Variants in CAMSAP3 observed in about 807,000 individuals in gnomAD.
CAMSAP3 encodes the protein calmodulin-regulated spectrin-associated protein 3.
In CAMSAP3, 34 loss-of-function variants were observed where a neutral mutation model predicts 112.5. That is an observed-to-expected ratio of 0.30 (90% CI 0.23 to 0.40). The LOEUF (loss-of-function observed/expected upper bound fraction) is 0.40. Among genes scored for constraint, CAMSAP3 ranks in the 10% least tolerant of loss-of-function variants. The pLI is 1.00. For synonymous variants in CAMSAP3, 868 were observed against 799.8 expected, an observed-to-expected ratio of 1.09 and a Z score of -1.44; for missense variants, 1,602 against 1,770.3, an observed-to-expected ratio of 0.90 and a Z score of 1.71.
In CAMSAP3 at chr19:7,609,088, G is replaced by A. The variant is rs930944230; in HGVS notation, c.760+824G>A. On this transcript the variant is annotated intron_variant, in intron 5 of 16. Transcript: ENST00000160298. ...TGTAATCCCAGCAGTTTGGGAGGCC[G>A]AGGCGGGTGGATCACGAGGTCACGA... 7.2e-5 allele frequency among the ~76,000 whole-genome samples: 11 copies of A among 151,994 alleles called. No homozygotes were observed. In the East Asian group the frequency reaches 7.7e-4, roughly 11 times the overall value.
At position 7,612,932 on chromosome 19, in the gene CAMSAP3, C is replaced by T. The variant is rs1462333645; in HGVS notation, c.2439C>T (p.Phe813=). 1 of 1,609,562 alleles carries T rather than the reference C, an allele frequency of 6.2e-7. No homozygotes were observed. The highest frequency in any genetic ancestry group is 1.7e-5 in the Admixed American group (1 of 59,928). ...DVDSLPHLRK[F]SPSQVPVQTR... Reference sequence around the variant, plus strand: ...ACAGCCTCCCCCACCTGCGCAAGTTCTCGCCGAGCCAGGTGCCCGTGCAGA... The same window carrying T: ...ACAGCCTCCCCCACCTGCGCAAGTTTTCGCCGAGCCAGGTGCCCGTGCAGA... The change falls in exon 11 of 17, where the codon TTC becomes TTT. Residue 813 remains phenylalanine, a synonymous_variant. Coordinates refer to ENST00000160298, the MANE Select transcript of CAMSAP3 (RefSeq NM_020902.2).
chr19:7,607,873 T>C lies in CAMSAP3; in HGVS notation c.622-253T>C, dbSNP rs777647848. ...TCGGGGAGCAAACCCCCCATGGTAA[T>C]GTATCCCCCGCCCCGGGGTCCCAGG... On this transcript the variant is annotated intron_variant, in intron 4 of 16. Coordinates refer to ENST00000160298, the MANE Select transcript of CAMSAP3 (RefSeq NM_020902.2). This position sits in a 1 kb window ranked among gnomAD's most constrained non-coding sequence, Gnocchi z 4.9. 5 of 1,164,198 alleles carry C rather than the reference T, an allele frequency of 4.3e-6. No homozygotes were observed. Among genetic ancestry groups the C allele is most frequent in the Non-Finnish European group, 6.1e-6 (5 of 813,590 alleles). 72.1% of individuals were successfully genotyped at this position (1,164,198 alleles called of 1,614,324 possible).
intron 1 of CAMSAP3, among the ~76,000 whole-genome samples, chr19:7,599,914 T>C (rs1338244976): frequency 8.1e-5 from 1 of 12,382 alleles, no homozygotes; most frequent in Admixed American, 1.4e-3. Flanking sequence ...CATCCACCCA[T>C]CCATCCATCC....
rs747569 is a variant in CAMSAP3 at position 7,611,031 on chromosome 19, C to T, written c.1050-64C>T. 3 of 1,599,036 alleles carry T rather than the reference C, an allele frequency of 1.9e-6. No individual in the cohort carries two copies. In the African/African-American group the frequency reaches 4.0e-5, roughly 21 times the overall value. ...ACGCAGCTGGGTGATGCTGTTGTCT[C>T]CCCCCGGGGAGAGGCGGAGGAGGAG... On this transcript the variant is annotated intron_variant, in intron 8 of 16. Transcript: ENST00000160298. This position sits in a 1 kb window ranked among gnomAD's most constrained non-coding sequence, Gnocchi z 6.9.
rs1390070064 is a variant in CAMSAP3, at chr19:7,618,073, C to T, written c.*16C>T. 6.2e-7 allele frequency: 1 copy of T among 1,604,404 alleles called. No homozygotes were observed. Among genetic ancestry groups the T allele is most frequent in the Non-Finnish European group, 8.5e-7 (1 of 1,176,132 alleles). On this transcript the variant is annotated 3_prime_UTR_variant, in exon 17 of 17. Transcript: ENST00000160298. Reference sequence around the variant, plus strand: ...CCCCAAATAGCCCCACCCGGGCGGTCCACGGGCCGGGCCCTGTGTGCTGCG... The same window carrying T: ...CCCCAAATAGCCCCACCCGGGCGGTTCACGGGCCGGGCCCTGTGTGCTGCG...
intron 14 of CAMSAP3, 21 bp downstream of exon 14, chr19:7,616,643 C>A: frequency 6.4e-7 from 1 of 1,574,378 alleles, no homozygotes; most frequent in Non-Finnish European, 8.7e-7. Context: ...CCCGCACAGG[C>A]GGGGTTCGTA....
chr19:7,605,195 A>G (rs2030147266), intron 1 of CAMSAP3, 31 bp from the exon 2 acceptor site: 3 of 1,237,176 alleles, frequency 2.4e-6, no homozygotes, highest in South Asian at 3.2e-5. Flanking sequence ...GGTGACCCTG[A>G]CCCCCGTGTT....
intron 1 of CAMSAP3, among the ~76,000 whole-genome samples, chr19:7,601,345 A>G (rs916912236): frequency 1.3e-5 from 2 of 151,540 alleles, no homozygotes; most frequent in Non-Finnish European, 2.9e-5. Context: ...TTGAGACAGC[A>G]TCTTGCTCTG....
intron 13 of CAMSAP3, among the ~76,000 whole-genome samples, chr19:7,616,131 G>A (rs1490625963): frequency 6.6e-6 from 1 of 151,036 alleles, no homozygotes; most frequent in African/African-American, 2.4e-5. Flanking sequence ...AGGTTGCGGT[G>A]AGCCAAGATT....
At chr19:7,606,915 C>A in intron 4 of CAMSAP3, 1 of 1,252,578 alleles carries the variant, frequency 8.0e-7, no homozygotes, top group Non-Finnish European at 1.2e-6. Context: ...CATACCTCCC[C>A]AAGCTGTGAG....
intron 1 of CAMSAP3, among the ~76,000 whole-genome samples, chr19:7,597,723 G>T (rs1448115208): frequency 6.6e-6 from 1 of 152,208 alleles, no homozygotes; most frequent in African/African-American, 2.4e-5. Context: ...TGTGATTGGC[G>T]GTGGTATATT....
rs751924828 is a variant in CAMSAP3, at chr19:7,616,640, A to G, written c.3212+18A>G. On this transcript the variant is annotated intron_variant, in intron 14 of 16. Coordinates refer to ENST00000160298, the MANE Select transcript of CAMSAP3 (RefSeq NM_020902.2). Reference sequence around the variant, plus strand: ...ACGTCTCGGTGAGTTTAGCCCGCACAGGCGGGGTTCGTATGCCGGGTGGCT... The same window carrying G: ...ACGTCTCGGTGAGTTTAGCCCGCACGGGCGGGGTTCGTATGCCGGGTGGCT... The G allele has an allele frequency of 4.4e-6, 7 of 1,582,696 alleles. No homozygotes were observed. The African/African-American group carries it at 8.1e-5, about 18-fold the overall frequency.
At chr19:7,616,381 T>TC (rs2030789347) in intron 13 of CAMSAP3, 142 bp from the exon 14 acceptor site, 5 of 626,386 alleles carry the variant, frequency 8.0e-6, no homozygotes, top group South Asian at 6.9e-5. Context: ...CATAGAGGGG[T>TC]CCCCCCATAG....
chr19:7,605,737 C>T (rs1029778748), intron 2 of CAMSAP3, among the ~76,000 whole-genome samples: 4 of 151,454 alleles, frequency 2.6e-5, no homozygotes, highest in Admixed American at 6.6e-5. Flanking sequence ...AAGCGCTATC[C>T]ATTAAGCCTA....
chr19:7,610,327 A>G lies in CAMSAP3; in HGVS notation c.761-149A>G. 1 of 678,186 alleles carries G rather than the reference A, an allele frequency of 1.5e-6. No individual in the cohort carries two copies. The allele number at this position is 678,186 out of a possible 1,614,324, so 42.0% of individuals were successfully genotyped here. A position where few individuals can be genotyped will look rare whatever the true frequency, so the allele number is the denominator to read the frequency against. ...AGCGAGACTCCATCTCAAAAAAAAA[A>G]AAAAAAGAATTCACCTCTCGAAGGG... On this transcript the variant is annotated intron_variant, in intron 5 of 16. Coordinates refer to ENST00000160298, the MANE Select transcript of CAMSAP3 (RefSeq NM_020902.2). This position sits in a 1 kb window ranked among gnomAD's most constrained non-coding sequence, Gnocchi z 4.9.
rs771643339 is a variant in CAMSAP3 at position 7,612,628 on chromosome 19, C to T, written c.2135C>T (p.Ser712Leu). The change falls in exon 11 of 17, where the codon TCG becomes TTG. Residue 712 changes from serine to leucine, a missense_variant. Ser to Leu is a moderately radical substitution (Grantham distance 145). Transcript: ENST00000160298. ...AGCAAGCTGAGTGCCGCCTTGAGCTCGCTGCAGCGGGACATGCAGAGGCTC... is the reference window on the plus strand; with the variant it reads ...AGCAAGCTGAGTGCCGCCTTGAGCTTGCTGCAGCGGGACATGCAGAGGCTC... ...AVSKLSAALS[S>L]LQRDMQRLTD... 1.8e-5 allele frequency: 28 copies of T among 1,523,526 alleles called. No individual in the cohort carries two copies. In the South Asian group the frequency reaches 2.0e-4, roughly 11 times the overall value. 94.4% of individuals were successfully genotyped at this position (1,523,526 alleles called of 1,614,324 possible). A position where few individuals can be genotyped will look rare whatever the true frequency, so the allele number is the denominator to read the frequency against.
At chr19:7,598,947 T>C (rs1240076074) in intron 1 of CAMSAP3, among the ~76,000 whole-genome samples, 2 of 152,056 alleles carry the variant, frequency 1.3e-5, no homozygotes, top group Non-Finnish European at 2.9e-5. Flanking sequence ...GGTTTTCTCA[T>C]CTGTACAAGG....
chr19:7,611,954 C>A lies in CAMSAP3; in HGVS notation c.1461C>A (p.Ser487=). The part of the protein sequence containing the change: ...GAADGSFYLH[S]PEGPSKPSLA... ...CCGACGGCAGCTTCTACCTCCACTC[C>A]CCTGAGGGGCCCTCCAAGCCATCCC... is the stretch of plus-strand genomic sequence containing the variant. Residue 487 remains serine (S), a synonymous_variant, in exon 11 of 17, where the codon TCC becomes TCA. Coordinates refer to ENST00000160298, the MANE Select transcript of CAMSAP3 (RefSeq NM_020902.2). The surrounding 1 kb of genome is among the most constrained non-coding windows in gnomAD (Gnocchi z 6.9). 6.2e-7 allele frequency: 1 copy of A among 1,609,656 alleles called. No individual in the cohort carries two copies.
intron 11 of CAMSAP3, among the ~76,000 whole-genome samples, chr19:7,614,477 G>A (rs1052516738): frequency 1.3e-5 from 2 of 151,426 alleles, no homozygotes; most frequent in African/African-American, 4.9e-5. Context: ...CTCCTGAGTA[G>A]CTGGGACTAC....
Sources: gnomAD v4.1 joint callset for allele counts (sites outside exome capture counted in the v4.1 genomes callset) on GRCh38, gnomAD v4.1.1 for gene constraint, Gnocchi (gnomAD v3.1) non-coding constraint, MANE v1.5 for transcripts, NCBI Gene and HGNC (gene_info 2026-07-23, HGNC 2026-07-21) for gene names.